The following FHOD3 variants were observed in gnomAD, a reference collection of about 807,000 sequenced individuals.
FHOD3 encodes formin homology 2 domain containing 3, also known as FH1/FH2 domain-containing protein 3.
In FHOD3, 90 loss-of-function variants were observed where a neutral mutation model predicts 173.0. The observed-to-expected ratio is 0.52, with a 90% confidence interval of 0.44 to 0.62. FHOD3 has a LOEUF of 0.62. Ranked by LOEUF, FHOD3 falls within the 20% of genes least tolerant of loss-of-function variation. The pLI is 0.00. For synonymous variants in FHOD3, 828 were observed against 823.0 expected, an observed-to-expected ratio of 1.01 and a Z score of -0.10; for missense variants, 1,945 against 2,034.7, an observed-to-expected ratio of 0.96 and a Z score of 0.85.
intron 5 of FHOD3, among the ~76,000 whole-genome samples, chr18:36,563,248 G>T (rs1253248789): frequency 6.6e-6 from 1 of 152,148 alleles, no homozygotes; most frequent in African/African-American, 2.4e-5. Context: ...TTTTACAGAG[G>T]ACTGATTTTT....
chr18:36,689,942 TGTAA>T (rs2038857575), intron 16 of FHOD3, among the ~76,000 whole-genome samples: 1 of 152,132 alleles, frequency 6.6e-6, no homozygotes, highest in East Asian at 1.9e-4. Flanking sequence ...TTTACTTTAA[TGTAA>T]GTGAGAATTT....
At chr18:36,395,737 CTT>C (rs1175215954) in intron 3 of FHOD3, among the ~76,000 whole-genome samples, 1 of 150,702 alleles carries the variant, frequency 6.6e-6, no homozygotes, top group African/African-American at 2.5e-5. Context: ...CAGTGTTACT[CTT>C]ATGAATTTTT....
chr18:36,376,816 A>G lies in FHOD3; in HGVS notation c.337+4072A>G, dbSNP rs529760619. ...CGTGTGCTTTGCACTACATTGTTAT[A>G]GCAAAGAGATGAATTATAAACAGTG... On this transcript the variant is annotated intron_variant, in intron 3 of 28. Coordinates refer to ENST00000590592, the MANE Select transcript of FHOD3 (RefSeq NM_001281740.3). 2.6e-5 allele frequency among the ~76,000 whole-genome samples: 4 copies of G among 152,346 alleles called. No homozygotes were observed. The East Asian group carries it at 7.7e-4, about 29-fold the overall frequency.
At chr18:36,547,438 T>C (rs376957002) in intron 5 of FHOD3, among the ~76,000 whole-genome samples, 2 of 152,114 alleles carry the variant, frequency 1.3e-5, no homozygotes, top group African/African-American at 4.8e-5. Flanking sequence ...TTAAACCATC[T>C]CATTTTATAT....
chr18:36,395,842 A>G (rs2048531414), intron 3 of FHOD3, among the ~76,000 whole-genome samples: 1 of 152,234 alleles, frequency 6.6e-6, no homozygotes, highest in Non-Finnish European at 1.5e-5. Context: ...ATAAAGAATT[A>G]AAAATTTCTG....
chr18:36,710,974 G>T (rs890285624), intron 18 of FHOD3: 1 of 152,170 alleles, frequency 6.6e-6, no homozygotes, highest in African/African-American at 2.4e-5. Flanking sequence ...AGGCGACAGG[G>T]CTTTCTTGGA....
chr18:36,625,797 AAG>A, intron 10 of FHOD3, 48 bp downstream of exon 10: 1 of 1,473,848 alleles, frequency 6.8e-7, no homozygotes, highest in Non-Finnish European at 9.2e-7. Flanking sequence ...TGCCATCCAA[AAG>A]AGAGCCCACA....
At chr18:36,666,881 C>T (rs899316116) in intron 14 of FHOD3, among the ~76,000 whole-genome samples, 3 of 152,134 alleles carry the variant, frequency 2.0e-5, no homozygotes, top group Non-Finnish European at 4.4e-5. Context: ...TATCCATCAC[C>T]CCAAAAATCT....
intron 5 of FHOD3, among the ~76,000 whole-genome samples, chr18:36,527,540 T>C (rs1408027373): frequency 6.6e-6 from 1 of 152,164 alleles, no homozygotes; most frequent in Non-Finnish European, 1.5e-5. Context: ...TATCGTTTCT[T>C]CTCCATGTGG....
At chr18:36,735,920 C>T (rs1160047083) in intron 20 of FHOD3, among the ~76,000 whole-genome samples, 2 of 152,224 alleles carry the variant, frequency 1.3e-5, no homozygotes, top group Non-Finnish European at 2.9e-5. Context: ...AAAGGGATTT[C>T]TGCATTTTTC....
At chr18:36,391,867 C>G (rs962949543) in intron 3 of FHOD3, among the ~76,000 whole-genome samples, 1 of 152,152 alleles carries the variant, frequency 6.6e-6, no homozygotes, top group Non-Finnish European at 1.5e-5. Context: ...TGTCTGCTGA[C>G]TCCTACTCAA....
chr18:36,728,625 T>G (rs1321216335), intron 19 of FHOD3, among the ~76,000 whole-genome samples: 1 of 152,042 alleles, frequency 6.6e-6, no homozygotes, highest in Non-Finnish European at 1.5e-5. Flanking sequence ...AGTTTGAGTT[T>G]ATTCCCAACT....
At chr18:36,465,209 T>G (rs933940389) in intron 3 of FHOD3, among the ~76,000 whole-genome samples, 36 of 152,094 alleles carry the variant, frequency 2.4e-4, no homozygotes, top group Non-Finnish European at 7.4e-5. Context: ...GCACCTGTAA[T>G]TCCAGCTACT....
intron 1 of FHOD3, among the ~76,000 whole-genome samples, chr18:36,341,060 G>T (rs1049641366): frequency 2.0e-5 from 3 of 152,114 alleles, no homozygotes; most frequent in African/African-American, 7.2e-5. Flanking sequence ...TCATGAGCCA[G>T]GTCGTTTAGG....
At chr18:36,778,326 G>T (rs1385021691) in intron 28 of FHOD3, 1 of 152,184 alleles carries the variant, frequency 6.6e-6, no homozygotes, top group Non-Finnish European at 1.5e-5. Flanking sequence ...AGCCTGCCCT[G>T]GTCATCTCAG....
intron 7 of FHOD3, among the ~76,000 whole-genome samples, chr18:36,600,856 T>C (rs1414297556): frequency 1.3e-5 from 2 of 152,238 alleles, no homozygotes; most frequent in Non-Finnish European, 2.9e-5. Context: ...AGTCTTAGTT[T>C]CGATACTTTC....
At chr18:36,412,771 C>T (rs2049424295) in intron 3 of FHOD3, among the ~76,000 whole-genome samples, 1 of 152,148 alleles carries the variant, frequency 6.6e-6, no homozygotes, top group Non-Finnish European at 1.5e-5. Flanking sequence ...GTATAGAAGT[C>T]TAATGTTGAA....
intron 1 of FHOD3, among the ~76,000 whole-genome samples, chr18:36,319,052 CT>C (rs1568116264): frequency 6.6e-6 from 1 of 152,152 alleles, no homozygotes. Context: ...TTGAACCAGC[CT>C]TGCATTCCAG....
intron 3 of FHOD3, among the ~76,000 whole-genome samples, chr18:36,391,500 AT>A (rs1215608198): frequency 1.3e-5 from 2 of 152,088 alleles, no homozygotes; most frequent in Non-Finnish European, 2.9e-5. Flanking sequence ...AGTTCAGGGA[AT>A]TAGAGCTCAG....
Sources: allele counts gnomAD v4.1 joint callset (sites outside exome capture counted in the v4.1 genomes callset), GRCh38; gene constraint gnomAD v4.1.1; transcripts MANE v1.5; gene names NCBI Gene and HGNC (gene_info 2026-07-23, HGNC 2026-07-21).